Variants in UNC5D observed in about 807,000 individuals in gnomAD.
UNC5D encodes the protein netrin receptor UNC5D.
A neutral mutation model predicts 105.4 loss-of-function variants in UNC5D; 39 were observed. The observed-to-expected ratio is 0.37, with a 90% CI of 0.29 to 0.48. UNC5D has a LOEUF of 0.48. Among genes scored for constraint, UNC5D ranks in the 20% least tolerant of loss-of-function variants. The probability of loss-of-function intolerance (pLI) is 0.98; values close to 1 mark genes in which losing one functional copy is unlikely to be tolerated. For missense variants in UNC5D, 991 were observed against 1,202.4 expected (o/e 0.82, Z 2.60); for synonymous variants, 452 against 450.4 (o/e 1.00, Z -0.04).
chr8:35,344,966 A>G (rs1811702187), intron 1 of UNC5D, among the ~76,000 whole-genome samples: 1 of 152,050 alleles, frequency 6.6e-6, no homozygotes, highest in African/African-American at 2.4e-5. Flanking sequence ...TAGAAAAAAT[A>G]TATTAGTAAT....
At chr8:35,664,590 G>T (rs998149383) in intron 4 of UNC5D, among the ~76,000 whole-genome samples, 1 of 151,976 alleles carries the variant, frequency 6.6e-6, no homozygotes, top group Non-Finnish European at 1.5e-5. Flanking sequence ...AGTTAGCCAG[G>T]CTGGCCTTGA....
In UNC5D at chr8:35,568,162, C is replaced by T. The variant is rs373786481; in HGVS notation, c.387C>T (p.Pro129=). ...TRQQVEDFHG[P]EDYWCQCVAW... ...AACAGGTGGAGGACTTCCATGGGCC[C>T]GAGGACTATTGGTGCCAGTGTGTGG... Residue 129 remains proline (P), a synonymous_variant, in exon 3 of 17, where the codon CCC becomes CCT. Coordinates refer to ENST00000404895, the MANE Select transcript of UNC5D (RefSeq NM_080872.4). The T allele has an allele frequency of 3.2e-5, 51 of 1,614,154 alleles. No homozygotes were observed. The highest frequency in any genetic ancestry group is 2.5e-4 in the African/African-American group (19 of 75,046).
rs1806363602 is a variant in UNC5D, at chr8:35,428,074, G to C, written c.104-121218G>C. Among the ~76,000 whole-genome samples the C allele has an allele frequency of 2.0e-5, 3 of 152,216 alleles. No individual in the cohort carries two copies. In the South Asian group the frequency reaches 6.2e-4, roughly 32 times the overall value. ...AGACTGAAATGTAGATGGATAGTTA[G>C]AGTCTCAAAGTTAAGAGCAAGGTTA... is the stretch of plus-strand genomic sequence containing the variant. On this transcript the variant is annotated intron_variant, in intron 1 of 16. Transcript: ENST00000404895.
chr8:35,533,127 A>G (rs1163939907), intron 1 of UNC5D, among the ~76,000 whole-genome samples: 5 of 151,500 alleles, frequency 3.3e-5, no homozygotes, highest in East Asian at 1.9e-4. Context: ...GGCGCTCTGC[A>G]TTTTAGAGTT....
chr8:35,494,375 A>G (rs574833510), intron 1 of UNC5D, among the ~76,000 whole-genome samples: 34 of 152,282 alleles, frequency 2.2e-4, no homozygotes, highest in African/African-American at 7.5e-4. Context: ...TTATTTACAT[A>G]TTAGGATTAT....
At position 35,726,391 on chromosome 8, in the gene UNC5D, A is replaced by G. The variant is rs745997721; in HGVS notation, c.1543A>G (p.Asn515Asp). ...TTCCAGGACTTTTCCCCATGGAAACAACCACAGCTTTAGTACAATGCATCC... is the reference window on the plus strand; with the variant it reads ...TTCCAGGACTTTTCCCCATGGAAACGACCACAGCTTTAGTACAATGCATCC... ...NHSRTFPHGN[N>D]HSFSTMHPRN... The change falls in exon 10 of 17, where the codon AAC (asparagine) becomes GAC (aspartate). Residue 515 changes from asparagine to aspartate, a missense_variant. Physicochemically the swap from Asn to Asp is conservative, Grantham distance 23. This residue lies in a region of UNC5D where 944 missense variants were observed against 1,131.6 expected (regional missense o/e 0.83). Coordinates refer to ENST00000404895, the MANE Select transcript of UNC5D (RefSeq NM_080872.4). The G allele has an allele frequency of 6.2e-7, 1 of 1,614,174 alleles. No homozygotes were observed. Among genetic ancestry groups the G allele is most frequent in the Admixed American group, 1.7e-5 (1 of 60,020 alleles).
intron 1 of UNC5D, chr8:35,525,651 A>G: frequency 6.2e-7 from 1 of 1,613,156 alleles, no homozygotes; most frequent in African/African-American, 1.3e-5. Context: ...TAAAGCCAGC[A>G]TTTTGGATTG....
intron 1 of UNC5D, among the ~76,000 whole-genome samples, chr8:35,433,239 G>A (rs1806774829): frequency 1.3e-5 from 2 of 152,110 alleles, no homozygotes; most frequent in African/African-American, 4.8e-5. Flanking sequence ...GGTCTCAAGA[G>A]GAGATAGATC....
intron 1 of UNC5D, among the ~76,000 whole-genome samples, chr8:35,508,048 T>C (rs377377739): frequency 2.6e-5 from 4 of 152,284 alleles, no homozygotes; most frequent in East Asian, 3.9e-4. Context: ...CTGTCACACA[T>C]TGGTCCTATC....
intron 1 of UNC5D, among the ~76,000 whole-genome samples, chr8:35,318,945 C>G (rs908665808): frequency 1.5e-4 from 23 of 152,150 alleles, no homozygotes; most frequent in South Asian, 1.0e-3. Flanking sequence ...TTTCAAATAA[C>G]AGAAAATCTG....
At chr8:35,549,145 T>C (rs553896390) in intron 1 of UNC5D, 147 bp from the exon 2 acceptor site, 1 of 751,270 alleles carries the variant, frequency 1.3e-6, no homozygotes, top group Non-Finnish European at 2.1e-6. Context: ...AGATAATTCA[T>C]CTACACCAGT....
At chr8:35,292,423 T>C (rs1338293822) in intron 1 of UNC5D, among the ~76,000 whole-genome samples, 1 of 152,220 alleles carries the variant, frequency 6.6e-6, no homozygotes, top group Non-Finnish European at 1.5e-5. Context: ...TATTAATTCA[T>C]TTCTAGCAGA....
intron 7 of UNC5D, among the ~76,000 whole-genome samples, chr8:35,688,535 A>G (rs1441999042): frequency 6.6e-6 from 1 of 152,212 alleles, no homozygotes. Flanking sequence ...CCCTGCATGC[A>G]TCAGATACAA....
At chr8:35,442,881 CTGTT>C (rs770111727) in intron 1 of UNC5D, among the ~76,000 whole-genome samples, 46 of 135,482 alleles carry the variant, frequency 3.4e-4, no homozygotes, top group African/African-American at 1.0e-3. Flanking sequence ...CTCTCTCTCT[CTGTT>C]TCTCTCTCTC....
chr8:35,730,761 G>A (rs1270496924), intron 10 of UNC5D, among the ~76,000 whole-genome samples: 2 of 149,920 alleles, frequency 1.3e-5, no homozygotes, highest in African/African-American at 5.0e-5. Flanking sequence ...ATTAATGCTG[G>A]GATGACTTAA....
At chr8:35,660,913 G>A (rs1389500344) in intron 4 of UNC5D, among the ~76,000 whole-genome samples, 1 of 152,020 alleles carries the variant, frequency 6.6e-6, no homozygotes, top group Non-Finnish European at 1.5e-5. Context: ...GTAACATAGT[G>A]AGACCCCTTC....
At position 35,683,577 on chromosome 8, in the gene UNC5D, G is replaced by A. The variant is rs762180898; in HGVS notation, c.601G>A (p.Asp201Asn). 6.4e-7 allele frequency: 1 copy of A among 1,569,452 alleles called. No individual in the cohort carries two copies. The highest frequency in any genetic ancestry group is 8.6e-7 in the Non-Finnish European group (1 of 1,164,092). ...VEWLKNEEPI[D>N]SEQDENIDTR... ...ATGGCTGAAAAATGAAGAGCCCATT[G>A]ACTCTGAACAAGACGAGAACATTGA... is the stretch of plus-strand genomic sequence containing the variant. The change falls in exon 5 of 17, where the codon GAC (aspartate) becomes AAC (asparagine). Residue 201 changes from aspartate to asparagine, a missense_variant. Asp to Asn is a conservative substitution (Grantham distance 23, BLOSUM62 1). Transcript: ENST00000404895.
intron 11 of UNC5D, among the ~76,000 whole-genome samples, chr8:35,732,583 G>C (rs954557272): frequency 9.9e-5 from 15 of 152,088 alleles, no homozygotes; most frequent in Admixed American, 5.9e-4. Context: ...ATTTACTTAA[G>C]AAACCATACC....
intron 4 of UNC5D, among the ~76,000 whole-genome samples, chr8:35,633,548 G>A (rs1053193614): frequency 1.3e-5 from 2 of 151,522 alleles, no homozygotes; most frequent in African/African-American, 2.4e-5. Flanking sequence ...AGGAATTCAA[G>A]ACCAACCTGG....
Sources: gnomAD v4.1 joint callset for allele counts (sites outside exome capture counted in the v4.1 genomes callset) on GRCh38, gnomAD v4.1.1 for gene constraint, gnomAD v4.1.1 regional missense constraint, MANE v1.5 for transcripts, NCBI Gene and HGNC (gene_info 2026-07-23, HGNC 2026-07-21) for gene names.